SORCS2: variants seen among roughly 807,000 people sequenced by gnomAD.
The protein encoded by SORCS2 is VPS10 domain-containing receptor SorCS2.
In SORCS2, 100 loss-of-function variants were observed where a neutral mutation model predicts 141.6. The observed-to-expected ratio is 0.71, with a 90% confidence interval of 0.60 to 0.83. The LOEUF is 0.83. Ranked by LOEUF, SORCS2 falls within the 40% of genes least tolerant of loss-of-function variation. The probability of loss-of-function intolerance (pLI) is 0.00; values close to 1 mark genes in which losing one functional copy is unlikely to be tolerated. For synonymous variants in SORCS2, 789 were observed against 676.9 expected (o/e 1.17, Z -2.57); for missense variants, 1,646 against 1,560.2 (o/e 1.05, Z -0.93).
chr4:7,365,865 A>G (rs188630959), intron 1 of SORCS2, among the ~76,000 whole-genome samples: 14 of 152,328 alleles, frequency 9.2e-5, no homozygotes, highest in African/African-American at 3.4e-4. Context: ...AGCCACCGCC[A>G]TCTGTCTTAC....
intron 1 of SORCS2, among the ~76,000 whole-genome samples, chr4:7,275,400 A>G (rs1362490790): frequency 6.6e-6 from 1 of 152,106 alleles, no homozygotes; most frequent in African/African-American, 2.4e-5. Flanking sequence ...TTGATAGAGT[A>G]CCTATCATGT....
intron 1 of SORCS2, among the ~76,000 whole-genome samples, chr4:7,293,578 G>A (rs138200008): frequency 7.2e-5 from 11 of 152,170 alleles, no homozygotes; most frequent in African/African-American, 2.7e-4. Flanking sequence ...CCTGGAAGTG[G>A]CATCATTTGT....
At chr4:7,430,461 T>C (rs6854053) in intron 2 of SORCS2, 105,694 of 151,990 alleles carry the variant, frequency 0.7, 37,306 homozygotes, top group African/African-American at 0.82. Context: ...CCTCTGCATC[T>C]GGTGTGGCCG....
intron 18 of SORCS2, among the ~76,000 whole-genome samples, chr4:7,723,363 TGGGTCTCCCCC>T (rs1398370901): frequency 6.6e-6 from 1 of 152,108 alleles, no homozygotes; most frequent in Non-Finnish European, 1.5e-5. Flanking sequence ...CGGGCCTCTG[TGGGTCTCCCCC>T]GGGCCCTGAC....
chr4:7,597,580 G>A (rs1011716833), intron 3 of SORCS2, among the ~76,000 whole-genome samples: 3 of 149,284 alleles, frequency 2.0e-5, no homozygotes, highest in Non-Finnish European at 4.4e-5. Context: ...GGAAGGGGCT[G>A]TTGCAATAAG....
intron 2 of SORCS2, among the ~76,000 whole-genome samples, chr4:7,397,451 T>C (rs1353961788): frequency 6.6e-6 from 1 of 151,984 alleles, no homozygotes; most frequent in African/African-American, 2.4e-5. Flanking sequence ...ACGCTTTTCC[T>C]AGAAGCTCTT....
chr4:7,737,745 G>A (rs763435019), intron 26 of SORCS2, among the ~76,000 whole-genome samples: 18 of 152,358 alleles, frequency 1.2e-4, no homozygotes, highest in African/African-American at 2.9e-4. Context: ...GCGTAGCATC[G>A]TTTATGGCCG....
chr4:7,338,474 G>A (rs977469419), intron 1 of SORCS2, among the ~76,000 whole-genome samples: 6 of 151,824 alleles, frequency 4.0e-5, no homozygotes, highest in Admixed American at 1.3e-4. Context: ...CCTACCCACC[G>A]CCGAACAGAG....
At chr4:7,617,298 C>T (rs1718826625) in intron 3 of SORCS2, among the ~76,000 whole-genome samples, 1 of 152,108 alleles carries the variant, frequency 6.6e-6, no homozygotes, top group African/African-American at 2.4e-5. Context: ...CCCACCTATC[C>T]ATGTGCCATT....
chr4:7,244,010 A>G (rs1170143061), intron 1 of SORCS2, among the ~76,000 whole-genome samples: 1 of 152,182 alleles, frequency 6.6e-6, no homozygotes, highest in Non-Finnish European at 1.5e-5. Context: ...CTTGGTGTTG[A>G]GTCGTCTCCT....
intron 2 of SORCS2, among the ~76,000 whole-genome samples, chr4:7,519,350 G>A (rs187058051): frequency 3.5e-4 from 53 of 152,306 alleles, no homozygotes; most frequent in African/African-American, 1.2e-3. Flanking sequence ...GAACCACAAT[G>A]CCACTTCCCT....
intron 1 of SORCS2, among the ~76,000 whole-genome samples, chr4:7,217,956 C>T (rs1728462921): frequency 6.6e-6 from 1 of 152,176 alleles, no homozygotes; most frequent in South Asian, 2.1e-4. Context: ...CCCAGGCTGC[C>T]TTTCCCACTG....
chr4:7,229,055 C>T (rs748489620), intron 1 of SORCS2, among the ~76,000 whole-genome samples: 5 of 152,212 alleles, frequency 3.3e-5, no homozygotes, highest in African/African-American at 4.8e-5. Context: ...GGTCCCCGTG[C>T]ACCCAGGCCC....
chr4:7,719,281 G>A (rs937040775), intron 18 of SORCS2, among the ~76,000 whole-genome samples: 27 of 152,268 alleles, frequency 1.8e-4, no homozygotes, highest in Non-Finnish European at 1.0e-4. Flanking sequence ...GGAAACTGAG[G>A]CCCAAGACGA....
At chr4:7,395,660 T>TG (rs11410383) in intron 1 of SORCS2, among the ~76,000 whole-genome samples, 147,483 of 152,172 alleles carry the variant, frequency 0.97, 71,536 homozygotes, top group East Asian at 1. Flanking sequence ...CGTGGTCAGG[T>TG]GGGCCCCGTG....
intron 2 of SORCS2, among the ~76,000 whole-genome samples, chr4:7,480,748 C>A (rs1259191796): frequency 1.3e-5 from 2 of 152,226 alleles, no homozygotes; most frequent in Middle Eastern, 3.2e-3. Context: ...GCAGACGCAT[C>A]CCCTCCACCC....
chr4:7,610,352 G>A (rs1447573138), intron 3 of SORCS2, among the ~76,000 whole-genome samples: 1 of 152,094 alleles, frequency 6.6e-6, no homozygotes, highest in Non-Finnish European at 1.5e-5. Flanking sequence ...CTGAGCTCCA[G>A]AGGACTGGTG....
chr4:7,627,737 G>A (rs150229564), intron 3 of SORCS2, among the ~76,000 whole-genome samples: 1 of 152,164 alleles, frequency 6.6e-6, no homozygotes, highest in Non-Finnish European at 1.5e-5. Flanking sequence ...GCGTGCCCTC[G>A]GTCCACACAA....
intron 2 of SORCS2, among the ~76,000 whole-genome samples, chr4:7,519,832 G>T (rs202152216): frequency 6.6e-6 from 1 of 151,326 alleles, no homozygotes; most frequent in African/African-American, 2.5e-5. Context: ...GGCTTCTGCC[G>T]TGCTAGAGCA....
Sources: gnomAD v4.1 joint callset for allele counts (sites outside exome capture counted in the v4.1 genomes callset) on GRCh38, gnomAD v4.1.1 for gene constraint, MANE v1.5 for transcripts, NCBI Gene and HGNC (gene_info 2026-07-23, HGNC 2026-07-21) for gene names.